The following PRKAG2 variants were observed in gnomAD, a reference collection of about 807,000 sequenced individuals.
PRKAG2 encodes 5'-AMP-activated protein kinase subunit gamma-2.
Under a neutral mutation model 69.6 loss-of-function variants are expected in PRKAG2, and 26 were observed. The observed-to-expected ratio is 0.37, with a 90% CI of 0.27 to 0.52. The LOEUF is 0.52. Among genes scored for constraint, PRKAG2 ranks in the 20% least tolerant of loss-of-function variants. The pLI is 0.90. For missense variants in PRKAG2, 557 were observed against 740.0 expected (o/e 0.75, Z 2.87); for synonymous variants, 293 against 285.0 (o/e 1.03, Z -0.28).
Position 151,816,637 on chromosome 7 carries a change from A to G in PRKAG2, c.115-30096T>C, listed in dbSNP as rs140794470. ...TGCTAGCATAAACCTGAGGTTTAGC[A>G]GAAAGCTGGCGCCATTTGGCGAAGA... On this transcript the variant is annotated intron_variant, in intron 1 of 15. Coordinates refer to ENST00000287878, the MANE Select transcript of PRKAG2 (RefSeq NM_016203.4). 7.8e-4 allele frequency among the ~76,000 whole-genome samples: 119 copies of G among 152,352 alleles called. 1 individual carries two copies. The East Asian group carries it at 0.02, about 26-fold the overall frequency.
chr7:151,875,564 T>TGTGTGG, intron 1 of PRKAG2, among the ~76,000 whole-genome samples: 1 of 26,458 alleles, frequency 3.8e-5, no homozygotes, highest in East Asian at 5.3e-4. Flanking sequence ...AGCACTCTGG[T>TGTGTGG]GTGTGTGTGT....
At chr7:151,714,425 A>AGCCGTCCTCCCATCCGCGACCC (rs71827935) in intron 3 of PRKAG2, among the ~76,000 whole-genome samples, 2 of 146,512 alleles carry the variant, frequency 1.4e-5, no homozygotes, top group Non-Finnish European at 3.0e-5. Flanking sequence ...CTTCCCGGAG[A>AGCCGTCCTCCCATCCGCGACCC]GCCGTCCTCC....
chr7:151,561,995 C>G (rs994762765), intron 14 of PRKAG2, among the ~76,000 whole-genome samples: 1 of 149,618 alleles, frequency 6.7e-6, no homozygotes, highest in Non-Finnish European at 1.5e-5. Context: ...GCCTGTAATC[C>G]CAGCACTTTG....
At chr7:151,855,396 C>CCA (rs2079729428) in intron 1 of PRKAG2, among the ~76,000 whole-genome samples, 2 of 12,758 alleles carry the variant, frequency 1.6e-4, no homozygotes, top group Non-Finnish European at 3.1e-4. Flanking sequence ...CACACACCAT[C>CCA]CACACACCAC....
intron 5 of PRKAG2, among the ~76,000 whole-genome samples, chr7:151,624,169 C>CATAT (rs373372497): frequency 5.4e-5 from 7 of 130,050 alleles, no homozygotes; most frequent in Non-Finnish European, 8.0e-5. Flanking sequence ...TGTGTGTGTA[C>CATAT]ATATATATAT....
intron 5 of PRKAG2, among the ~76,000 whole-genome samples, chr7:151,617,522 T>C (rs1300481969): frequency 1.3e-5 from 2 of 152,198 alleles, no homozygotes. Flanking sequence ...CATAATACAA[T>C]TTTGAAACAA....
chr7:151,597,243 C>G (rs1403094488), intron 5 of PRKAG2, among the ~76,000 whole-genome samples: 1 of 152,218 alleles, frequency 6.6e-6, no homozygotes, highest in Non-Finnish European at 1.5e-5. Flanking sequence ...TGAAGCTGGA[C>G]TCCTATCTCT....
At chr7:151,629,040 C>T (rs897936549) in intron 5 of PRKAG2, among the ~76,000 whole-genome samples, 6 of 152,184 alleles carry the variant, frequency 3.9e-5, no homozygotes, top group Non-Finnish European at 7.3e-5. Context: ...AGACACAGAG[C>T]AGGGGGCTGG....
At chr7:151,587,687 A>G (rs1812020613) in intron 6 of PRKAG2, among the ~76,000 whole-genome samples, 1 of 152,130 alleles carries the variant, frequency 6.6e-6, no homozygotes, top group Non-Finnish European at 1.5e-5. Context: ...AAAATACCTG[A>G]CCAACACTCC....
At chr7:151,568,301 A>G (rs1007011205) in intron 11 of PRKAG2, among the ~76,000 whole-genome samples, 3 of 152,238 alleles carry the variant, frequency 2.0e-5, no homozygotes, top group African/African-American at 7.2e-5. Context: ...ATCTTGAGGA[A>G]AGCATTTTTT....
intron 6 of PRKAG2, among the ~76,000 whole-genome samples, chr7:151,579,781 C>A (rs904141634): frequency 1.3e-5 from 2 of 151,914 alleles, no homozygotes; most frequent in African/African-American, 4.8e-5. Context: ...ATGCTAAAAA[C>A]CAAAGGTAAA....
chr7:151,770,075 C>A (rs1208767644), intron 3 of PRKAG2, among the ~76,000 whole-genome samples: 1 of 152,192 alleles, frequency 6.6e-6, no homozygotes, highest in African/African-American at 2.4e-5. Flanking sequence ...CACCATTAGG[C>A]TTCCTTCCCC....
intron 3 of PRKAG2, among the ~76,000 whole-genome samples, chr7:151,709,182 C>T (rs879745772): frequency 1.8e-4 from 27 of 151,790 alleles, no homozygotes; most frequent in Admixed American, 3.9e-4. Context: ...ACTGTGACAC[C>T]GATGTATGAA....
intron 3 of PRKAG2, among the ~76,000 whole-genome samples, chr7:151,726,185 C>T (rs985209642): frequency 2.6e-5 from 4 of 152,110 alleles, no homozygotes; most frequent in Non-Finnish European, 4.4e-5. Flanking sequence ...CTGGGGACTG[C>T]CCATCAGAGG....
At chr7:151,817,835 G>T (rs1269670786) in intron 1 of PRKAG2, among the ~76,000 whole-genome samples, 1 of 152,194 alleles carries the variant, frequency 6.6e-6, no homozygotes, top group East Asian at 1.9e-4. Flanking sequence ...CGATCAAAGT[G>T]ATGTTCCCCT....
At chr7:151,693,950 C>A (rs1411490496) in intron 3 of PRKAG2, among the ~76,000 whole-genome samples, 1 of 152,078 alleles carries the variant, frequency 6.6e-6, no homozygotes, top group Non-Finnish European at 1.5e-5. Flanking sequence ...CGGCTCACTG[C>A]AACTTGTGAC....
chr7:151,663,278 C>T (rs1830579770), intron 4 of PRKAG2, among the ~76,000 whole-genome samples: 9 of 152,258 alleles, frequency 5.9e-5, no homozygotes, highest in Admixed American at 5.2e-4. Flanking sequence ...TCAATCAGCC[C>T]AAAAGCAGAG....
At chr7:151,759,603 G>A (rs2075298034) in intron 3 of PRKAG2, among the ~76,000 whole-genome samples, 2 of 152,180 alleles carry the variant, frequency 1.3e-5, no homozygotes, top group African/African-American at 4.8e-5. Flanking sequence ...TTCTGTCTGG[G>A]AGGCGCATTT....
intron 1 of PRKAG2, among the ~76,000 whole-genome samples, chr7:151,815,200 C>T (rs1461591251): frequency 7.0e-6 from 1 of 142,354 alleles, no homozygotes; most frequent in Non-Finnish European, 1.6e-5. Context: ...CCAACTCCAA[C>T]CAGACAGCCT....
Sources: gnomAD v4.1 joint callset for allele counts (sites outside exome capture counted in the v4.1 genomes callset) on GRCh38, gnomAD v4.1.1 for gene constraint, MANE v1.5 for transcripts, NCBI Gene and HGNC (gene_info 2026-07-23, HGNC 2026-07-21) for gene names.